COMMD10: variants seen among roughly 807,000 people sequenced by gnomAD.
The protein encoded by COMMD10 is COMM domain-containing protein 10.
In COMMD10, 33 loss-of-function variants were observed where a neutral mutation model predicts 28.9. The observed-to-expected ratio is 1.14, with a 90% CI of 0.87 to 1.53. COMMD10 has a LOEUF of 1.53. Ranked by LOEUF, COMMD10 falls within the 40% of genes most tolerant of loss-of-function variation. The probability of loss-of-function intolerance (pLI) is 0.00; values close to 1 mark genes in which losing one functional copy is unlikely to be tolerated. For missense variants in COMMD10, 310 were observed against 233.4 expected, an observed-to-expected ratio of 1.33 and a Z score of -2.14; for synonymous variants, 110 against 81.7, an observed-to-expected ratio of 1.35 and a Z score of -1.87.
At chr5:116,286,431 G>T (rs1202364107) in intron 5 of COMMD10, among the ~76,000 whole-genome samples, 17 of 141,162 alleles carry the variant, frequency 1.2e-4, no homozygotes, top group African/African-American at 2.9e-4. Flanking sequence ...TTTTTTCCTA[G>T]TTCCTTGGAT....
intron 5 of COMMD10, among the ~76,000 whole-genome samples, chr5:116,247,594 A>G (rs969326365): frequency 1.2e-4 from 19 of 152,150 alleles, no homozygotes; most frequent in Admixed American, 5.2e-4. Flanking sequence ...GGATAAAGAA[A>G]ATGTGGTACA....
chr5:116,165,937 A>T (rs1214166141), intron 5 of COMMD10, among the ~76,000 whole-genome samples: 4 of 152,134 alleles, frequency 2.6e-5, no homozygotes, highest in African/African-American at 9.7e-5. Flanking sequence ...TCTGCCCCTG[A>T]GAGGGTGGTT....
chr5:116,186,754 GC>G (rs1217302601), intron 5 of COMMD10, among the ~76,000 whole-genome samples: 1 of 152,108 alleles, frequency 6.6e-6, no homozygotes, highest in Non-Finnish European at 1.5e-5. Context: ...AACAACTGTA[GC>G]TTTTCCCAGT....
chr5:116,147,017 T>C lies in COMMD10; in HGVS notation c.510+12839T>C, dbSNP rs56704177. ...GATTTAATCAGATCCTCGAGTCTTA[T>C]ATCACAGGACTTATTTGGAAATGTG... On this transcript the variant is annotated intron_variant, in intron 5 of 6. Transcript: ENST00000274458. Among the ~76,000 whole-genome samples the C allele has an allele frequency of 9.8e-3, 1,492 of 152,024 alleles. 25 individuals carry two copies. Among genetic ancestry groups the C allele is most frequent in the African/African-American group, 0.033 (1,383 of 41,510 alleles).
At chr5:116,280,817 A>G (rs918906911) in intron 5 of COMMD10, among the ~76,000 whole-genome samples, 6 of 151,886 alleles carry the variant, frequency 4.0e-5, no homozygotes, top group African/African-American at 1.5e-4. Flanking sequence ...TTATATTGTT[A>G]TAGAGAATAT....
intron 5 of COMMD10, among the ~76,000 whole-genome samples, chr5:116,147,664 G>A (rs1185152189): frequency 6.6e-6 from 1 of 151,852 alleles, no homozygotes; most frequent in African/African-American, 2.4e-5. Context: ...AAGATGAAAT[G>A]TAATGGAAAA....
At chr5:116,144,196 G>C (rs1046921276) in intron 5 of COMMD10, among the ~76,000 whole-genome samples, 1 of 151,816 alleles carries the variant, frequency 6.6e-6, no homozygotes, top group African/African-American at 2.4e-5. Flanking sequence ...TCACTTAGAG[G>C]ATATATTAGA....
At chr5:116,258,845 C>T (rs780260980) in intron 5 of COMMD10, among the ~76,000 whole-genome samples, 15 of 151,538 alleles carry the variant, frequency 9.9e-5, no homozygotes, top group Non-Finnish European at 1.5e-4. Flanking sequence ...GTCTGAAACC[C>T]GAATCTACCT....
chr5:116,202,595 G>T lies in COMMD10; in HGVS notation c.510+68417G>T, dbSNP rs542018281. On this transcript the variant is annotated intron_variant, in intron 5 of 6. Transcript: ENST00000274458. The stretch of plus-strand genomic sequence containing the variant: ...TTGCCATTCTAAGTGGTGTGAGATG[G>T]TATCTCATTGTGGTTTTGATTTGCA... 1.2e-4 allele frequency among the ~76,000 whole-genome samples: 19 copies of T among 152,042 alleles called. No homozygotes were observed. The South Asian group carries it at 3.5e-3, about 28-fold the overall frequency.
chr5:116,287,659 C>A (rs1347196738), intron 5 of COMMD10, among the ~76,000 whole-genome samples: 2 of 151,384 alleles, frequency 1.3e-5, no homozygotes, highest in Admixed American at 1.3e-4. Context: ...CATTGCCTTT[C>A]TTTGTGTTTC....
chr5:116,210,854 A>G (rs1748946112), intron 5 of COMMD10, among the ~76,000 whole-genome samples: 1 of 152,138 alleles, frequency 6.6e-6, no homozygotes, highest in African/African-American at 2.4e-5. Flanking sequence ...ATGGTACATT[A>G]AAAATAGAAG....
intron 5 of COMMD10, among the ~76,000 whole-genome samples, chr5:116,267,761 A>G (rs1369203212): frequency 1.3e-5 from 2 of 151,928 alleles, no homozygotes; most frequent in African/African-American, 2.4e-5. Flanking sequence ...ATATAGCTCA[A>G]TGGAACAGAA....
At chr5:116,242,123 G>A (rs1048689507) in intron 5 of COMMD10, among the ~76,000 whole-genome samples, 3 of 152,120 alleles carry the variant, frequency 2.0e-5, no homozygotes, top group Non-Finnish European at 4.4e-5. Flanking sequence ...GGTGAATGCC[G>A]ATAGCTGCTG....
intron 5 of COMMD10, among the ~76,000 whole-genome samples, chr5:116,270,720 TGAGGTCAG>T (rs1216264904): frequency 6.6e-6 from 1 of 151,732 alleles, no homozygotes; most frequent in African/African-American, 2.4e-5. Flanking sequence ...ATGGATCAGC[TGAGGTCAG>T]GAGCTCACGA....
intron 5 of COMMD10, among the ~76,000 whole-genome samples, chr5:116,175,602 C>T (rs963700886): frequency 1.7e-5 from 2 of 118,338 alleles, no homozygotes; most frequent in South Asian, 6.4e-4. Flanking sequence ...TCACAATAGC[C>T]AAAAGGTGGA....
At chr5:116,256,880 C>T (rs531047478) in intron 5 of COMMD10, among the ~76,000 whole-genome samples, 2 of 151,724 alleles carry the variant, frequency 1.3e-5, no homozygotes, top group Non-Finnish European at 2.9e-5. Flanking sequence ...GCATCACTGT[C>T]ATTCCTGACT....
intron 4 of COMMD10, among the ~76,000 whole-genome samples, chr5:116,117,019 G>C (rs1751262722): frequency 6.6e-6 from 1 of 151,976 alleles, no homozygotes. Context: ...TCTGCTCTTG[G>C]ATTTAACGTA....
intron 4 of COMMD10, among the ~76,000 whole-genome samples, chr5:116,119,305 C>G (rs545672750): frequency 6.6e-6 from 1 of 152,208 alleles, no homozygotes; most frequent in South Asian, 2.1e-4. Flanking sequence ...TAGGGAATAT[C>G]CCTGAATTGT....
At chr5:116,165,834 C>T (rs994902716) in intron 5 of COMMD10, among the ~76,000 whole-genome samples, 62 of 152,226 alleles carry the variant, frequency 4.1e-4, no homozygotes, top group African/African-American at 1.4e-3. Flanking sequence ...CTTAGAGGCC[C>T]CATCTCCAAA....
Sources: allele counts gnomAD v4.1 joint callset (sites outside exome capture counted in the v4.1 genomes callset), GRCh38; gene constraint gnomAD v4.1.1; transcripts MANE v1.5; gene names NCBI Gene and HGNC (gene_info 2026-07-23, HGNC 2026-07-21).